RBM25: variants seen among roughly 807,000 people sequenced by gnomAD.
RBM25 encodes the protein RNA binding motif protein 25, also known as RNA-binding protein 25.
RBM25 carries 19 observed loss-of-function variants against 120.7 expected under a neutral mutation model. That is an observed-to-expected ratio of 0.16 (90% confidence interval 0.11 to 0.23). The LOEUF (loss-of-function observed/expected upper bound fraction) is 0.23, where lower values mean the gene tolerates loss of function less well. RBM25 is among the 10% of genes least tolerant of loss of function. RBM25 has a pLI of 1.00. For synonymous variants in RBM25, 390 were observed against 326.7 expected (o/e 1.19, Z -2.09); for missense variants, 605 against 1,041.5 (o/e 0.58, Z 5.77).
rs748175373 is a variant in RBM25, at chr14:73,097,046, C to T, written c.675C>T (p.Pro225=). The change falls in exon 7 of 19, where the codon CCC becomes CCT. Residue 225 remains proline (P), a synonymous_variant. Transcript: ENST00000261973. ...AATACTCCAGTGAGCTAAATGCCCC[C>T]TCACAGGAATCTGATTCTCACCCCA... ...IREYSSELNA[P]SQESDSHPRK... is the part of the protein sequence containing the mutation. 8 of 1,613,494 alleles carry T rather than the reference C, an allele frequency of 5.0e-6. No individual in the cohort carries two copies. The highest frequency in any genetic ancestry group is 4.2e-6 in the Non-Finnish European group (5 of 1,179,862).
At chr14:73,090,713 A>T (rs1449994883) in intron 6 of RBM25, among the ~76,000 whole-genome samples, 2 of 151,492 alleles carry the variant, frequency 1.3e-5, no homozygotes, top group African/African-American at 4.9e-5. Flanking sequence ...TTCTCTTTCA[A>T]CCCCCATCTC....
At chr14:73,076,185 A>T (rs1895417387) in intron 2 of RBM25, 134 bp from the exon 3 acceptor site, 7 of 735,650 alleles carry the variant, frequency 9.5e-6, no homozygotes, top group Non-Finnish European at 1.6e-5. Context: ...ATAAGATAGT[A>T]TTTATCAGTA....
At position 73,120,744 on chromosome 14, in the gene RBM25, G is replaced by A. The variant is rs1896525597; in HGVS notation, c.*939G>A. ...CAAAAAATTCATCATACCAAAAAGT[G>A]TAAGTGAAAACCCCCTTTAAAACAA... is the stretch of plus-strand genomic sequence containing the variant. On this transcript the variant is annotated 3_prime_UTR_variant, in exon 19 of 19. Transcript: ENST00000261973. The A allele has an allele frequency of 6.6e-6, 1 of 152,102 alleles. No homozygotes were observed. Among genetic ancestry groups the A allele is most frequent in the Non-Finnish European group, 1.5e-5 (1 of 68,010 alleles). The allele number at this position is 152,102 out of a possible 1,614,324, so 9.4% of individuals were successfully genotyped here. A position where few individuals can be genotyped will look rare whatever the true frequency, so the allele number is the denominator to read the frequency against.
chr14:73,100,094 G>A, intron 9 of RBM25: 1 of 468,600 alleles, frequency 2.1e-6, no homozygotes, highest in Non-Finnish European at 3.8e-6. Flanking sequence ...TATTTCTGGG[G>A]GCAGTTATTT....
intron 9 of RBM25, chr14:73,100,638 C>G (rs2140453010): frequency 4.0e-6 from 1 of 248,764 alleles, no homozygotes; most frequent in South Asian, 1.6e-4. Context: ...ACTGAGAGAT[C>G]TTTAACTCAG....
intron 7 of RBM25, among the ~76,000 whole-genome samples, chr14:73,097,906 T>C (rs770548769): frequency 3.3e-5 from 5 of 152,248 alleles, no homozygotes; most frequent in Non-Finnish European, 5.9e-5. Flanking sequence ...AGAAAAGGTT[T>C]AGTTTTCTCA....
Position 73,071,613 on chromosome 14 carries a change from C to A in RBM25, c.-15-14C>A. ...TTTCAAATAAAATGATTTGTCATGT[C>A]CTTTTTTCTTTAGACTGCTGCAGTA... is the stretch of plus-strand genomic sequence containing the variant. On this transcript the variant is annotated splice_polypyrimidine_tract_variant and intron_variant, in intron 1 of 18. Coordinates refer to ENST00000261973, the MANE Select transcript of RBM25 (RefSeq NM_021239.3). The A allele has an allele frequency of 6.6e-7, 1 of 1,523,176 alleles. No homozygotes were observed. The highest frequency in any genetic ancestry group is 1.1e-5 in the South Asian group (1 of 88,652). 94.4% of individuals were successfully genotyped at this position (1,523,176 alleles called of 1,614,324 possible).
chr14:73,076,579 A>G (rs1339355167), intron 3 of RBM25, among the ~76,000 whole-genome samples: 1 of 152,196 alleles, frequency 6.6e-6, no homozygotes, highest in African/African-American at 2.4e-5. Flanking sequence ...GTGCTCCCTA[A>G]GTAGATAATT....
chr14:73,105,036 A>AACACACACACACAC (rs1372981431), intron 10 of RBM25, among the ~76,000 whole-genome samples: 2 of 10,744 alleles, frequency 1.9e-4, no homozygotes, highest in Non-Finnish European at 3.8e-4. Flanking sequence ...ATACATATTA[A>AACACACACACACAC]ATACACACAC....
intron 1 of RBM25, among the ~76,000 whole-genome samples, chr14:73,069,028 C>T (rs1431842083): frequency 2.0e-5 from 3 of 151,934 alleles, no homozygotes; most frequent in South Asian, 2.1e-4. Flanking sequence ...CTCAGCCTCC[C>T]GAGTAGCTGG....
chr14:73,120,489 A>C lies in RBM25; in HGVS notation c.*684A>C, dbSNP rs1446036159. 1.3e-5 allele frequency: 2 copies of C among 152,632 alleles called. No individual in the cohort carries two copies. The highest frequency in any genetic ancestry group is 2.4e-5 in the African/African-American group (1 of 41,448). 9.5% of individuals were successfully genotyped at this position (152,632 alleles called of 1,614,324 possible). On this transcript the variant is annotated 3_prime_UTR_variant, in exon 19 of 19. Coordinates refer to ENST00000261973, the MANE Select transcript of RBM25 (RefSeq NM_021239.3). ...AATTAGGTTATTAGTTTCCCAGAGC[A>C]TGGTGTTCTCGTGTCGTGAGCAATG...
intron 6 of RBM25, among the ~76,000 whole-genome samples, chr14:73,092,092 T>C (rs986794967): frequency 1.3e-5 from 2 of 151,960 alleles, no homozygotes; most frequent in Admixed American, 6.6e-5. Flanking sequence ...TCAACAAATA[T>C]AGGTTAAAAA....
At chr14:73,098,831 G>A (rs1383937098) in intron 7 of RBM25, among the ~76,000 whole-genome samples, 1 of 152,124 alleles carries the variant, frequency 6.6e-6, no homozygotes, top group Non-Finnish European at 1.5e-5. Context: ...TTTTAATAGA[G>A]ATGGGTTTCA....
intron 1 of RBM25, among the ~76,000 whole-genome samples, chr14:73,059,682 T>G (rs1894954297): frequency 6.6e-6 from 1 of 152,194 alleles, no homozygotes; most frequent in Non-Finnish European, 1.5e-5. Context: ...GAGCTTTTAA[T>G]TTTTTTAAAG....
intron 1 of RBM25, chr14:73,067,999 G>GT: frequency 6.5e-6 from 2 of 305,472 alleles, no homozygotes; most frequent in South Asian, 1.1e-4. Flanking sequence ...AGCAGTCTGA[G>GT]TTGACTGCCA....
At chr14:73,062,759 A>G (rs916869039) in intron 1 of RBM25, among the ~76,000 whole-genome samples, 15 of 151,346 alleles carry the variant, frequency 9.9e-5, no homozygotes, top group African/African-American at 3.4e-4. Context: ...AGTTTAGACA[A>G]ATGCATATAC....
Position 73,071,720 on chromosome 14 carries a change from C to G in RBM25, c.79C>G (p.Pro27Ala), listed in dbSNP as rs1331496802. 6.2e-7 allele frequency: 1 copy of G among 1,613,700 alleles called. No individual in the cohort carries two copies. Among genetic ancestry groups the G allele is most frequent in the Non-Finnish European group, 8.5e-7 (1 of 1,179,746 alleles). The change falls in exon 2 of 19, where the codon CCA becomes GCA. Residue 27 changes from proline to alanine, a missense_variant. This residue lies in a region of RBM25 where 90 missense variants were observed against 107.3 expected (regional missense o/e 0.84). Transcript: ENST00000261973. Reference sequence around the variant, plus strand: ...ACCAGGGATCCCACCCCCGCAGTTTCCAGGATTTCCTCCACCTGTACCTCC... The same window carrying G: ...ACCAGGGATCCCACCCCCGCAGTTTGCAGGATTTCCTCCACCTGTACCTCC... ...LPPGIPPPQF[P>A]GFPPPVPPGT...
intron 6 of RBM25, among the ~76,000 whole-genome samples, chr14:73,094,534 G>A (rs1895892307): frequency 6.6e-6 from 1 of 150,762 alleles, no homozygotes; most frequent in Non-Finnish European, 1.5e-5. Context: ...TGCAATCTCT[G>A]CCTCCCGGGT....
intron 6 of RBM25, among the ~76,000 whole-genome samples, chr14:73,088,821 T>C (rs753002979): frequency 6.6e-6 from 1 of 152,200 alleles, no homozygotes; most frequent in Non-Finnish European, 1.5e-5. Context: ...TTCGCTGTCG[T>C]CAAATTTTTA....
Sources: gnomAD v4.1 joint callset for allele counts (sites outside exome capture counted in the v4.1 genomes callset) on GRCh38, gnomAD v4.1.1 for gene constraint, gnomAD v4.1.1 regional missense constraint, MANE v1.5 for transcripts, NCBI Gene and HGNC (gene_info 2026-07-23, HGNC 2026-07-21) for gene names.